CDK8: variants seen among roughly 807,000 people sequenced by gnomAD.
CDK8 encodes the protein cyclin-dependent kinase 8.
CDK8 carries 29 observed loss-of-function variants against 71.5 expected under a neutral mutation model. The observed-to-expected ratio is 0.41, with a 90% CI of 0.30 to 0.55. The LOEUF is 0.55. Ranked by LOEUF, CDK8 falls within the 20% of genes least tolerant of loss-of-function variation. The pLI is 0.37. For missense variants in CDK8, 288 were observed against 572.6 expected (o/e 0.50, Z 5.07); for synonymous variants, 161 against 192.1 (o/e 0.84, Z 1.34).
chr13:26,344,483 G>A (rs1464336731), intron 2 of CDK8, among the ~76,000 whole-genome samples: 4 of 152,176 alleles, frequency 2.6e-5, no homozygotes, highest in Non-Finnish European at 5.9e-5. Context: ...AGGGAGGCCA[G>A]GCATGGTGGC....
intron 1 of CDK8, among the ~76,000 whole-genome samples, chr13:26,318,822 A>T (rs1874630397): frequency 6.6e-6 from 1 of 152,168 alleles, no homozygotes; most frequent in East Asian, 1.9e-4. Flanking sequence ...TCAACATGAT[A>T]TGAGCTATAC....
At chr13:26,316,862 G>A (rs528745574) in intron 1 of CDK8, among the ~76,000 whole-genome samples, 2 of 152,192 alleles carry the variant, frequency 1.3e-5, no homozygotes, top group African/African-American at 2.4e-5. Flanking sequence ...AAAAAGACCT[G>A]ATGGCAGGTC....
At chr13:26,283,759 G>C (rs142188432) in intron 1 of CDK8, among the ~76,000 whole-genome samples, 1 of 151,962 alleles carries the variant, frequency 6.6e-6, no homozygotes, top group Non-Finnish European at 1.5e-5. Context: ...TTAGCCAGCC[G>C]TGGTGGCGTG....
chr13:26,350,451 A>G (rs1158005967), intron 3 of CDK8, among the ~76,000 whole-genome samples: 1 of 152,130 alleles, frequency 6.6e-6, no homozygotes, highest in Non-Finnish European at 1.5e-5. Context: ...CCTGGGTCAC[A>G]TGGCAAGACC....
At chr13:26,351,203 A>G (rs1049695106) in intron 3 of CDK8, among the ~76,000 whole-genome samples, 3 of 152,280 alleles carry the variant, frequency 2.0e-5, no homozygotes, top group East Asian at 1.9e-4. Context: ...ATGATATTTA[A>G]TAATGTCTTT....
chr13:26,346,522 T>G (rs1212312808), intron 2 of CDK8, among the ~76,000 whole-genome samples: 1 of 152,232 alleles, frequency 6.6e-6, no homozygotes, highest in Non-Finnish European at 1.5e-5. Context: ...AATTTTGAGA[T>G]AATAGAAAAA....
intron 2 of CDK8, among the ~76,000 whole-genome samples, chr13:26,341,346 C>G (rs1873231127): frequency 6.6e-6 from 1 of 152,132 alleles, no homozygotes; most frequent in Non-Finnish European, 1.5e-5. Flanking sequence ...AGGCTGGTCT[C>G]AAACTCCTAA....
At chr13:26,389,128 G>A (rs1042498735) in intron 6 of CDK8, among the ~76,000 whole-genome samples, 9 of 152,132 alleles carry the variant, frequency 5.9e-5, no homozygotes, top group Admixed American at 1.3e-4. Flanking sequence ...AGCCTGAGTC[G>A]TCTCTTTGAT....
At chr13:26,360,836 C>G (rs1286028267) in intron 4 of CDK8, among the ~76,000 whole-genome samples, 1 of 152,190 alleles carries the variant, frequency 6.6e-6, no homozygotes, top group Non-Finnish European at 1.5e-5. Context: ...CCTTTTACCT[C>G]TACTATGATT....
intron 2 of CDK8, among the ~76,000 whole-genome samples, 153 bp from the exon 3 acceptor site, chr13:26,348,919 C>T (rs979060002): frequency 2.0e-5 from 3 of 152,150 alleles, no homozygotes; most frequent in Non-Finnish European, 4.4e-5. Context: ...TCATTTGTTA[C>T]TGAAGTATCC....
chr13:26,343,683 A>T (rs1434054376), intron 2 of CDK8, among the ~76,000 whole-genome samples: 1 of 152,206 alleles, frequency 6.6e-6, no homozygotes, highest in African/African-American at 2.4e-5. Flanking sequence ...ACTACTGTAG[A>T]CTATAAGCAC....
chr13:26,280,052 A>G (rs900674521), intron 1 of CDK8, among the ~76,000 whole-genome samples: 3 of 152,172 alleles, frequency 2.0e-5, no homozygotes, highest in Non-Finnish European at 4.4e-5. Context: ...GATGTTTATT[A>G]TACATCCTTC....
intron 1 of CDK8, among the ~76,000 whole-genome samples, chr13:26,256,197 G>A (rs1389988244): frequency 6.6e-6 from 1 of 152,166 alleles, no homozygotes; most frequent in Admixed American, 6.5e-5. Flanking sequence ...GGAATGGATA[G>A]TCTGGTGACA....
At chr13:26,355,452 A>G (rs1451307426) in intron 4 of CDK8, among the ~76,000 whole-genome samples, 2 of 152,128 alleles carry the variant, frequency 1.3e-5, no homozygotes, top group Non-Finnish European at 1.5e-5. Context: ...CGTCTCTACT[A>G]AAAATACAAA....
intron 1 of CDK8, among the ~76,000 whole-genome samples, chr13:26,331,355 G>C (rs890333408): frequency 6.6e-6 from 1 of 152,116 alleles, no homozygotes. Flanking sequence ...AGTCCCCTCA[G>C]ATGAATAGTT....
intron 1 of CDK8, among the ~76,000 whole-genome samples, chr13:26,289,356 T>G (rs1185995346): frequency 5.3e-5 from 8 of 151,332 alleles, no homozygotes. Flanking sequence ...CCCGGCCAGC[T>G]TCAGTAGTTT....
At chr13:26,276,282 A>T (rs1224488571) in intron 1 of CDK8, among the ~76,000 whole-genome samples, 1 of 152,212 alleles carries the variant, frequency 6.6e-6, no homozygotes, top group African/African-American at 2.4e-5. Context: ...AGTTCTTACT[A>T]AATTTTGTTT....
At chr13:26,387,165 TAGAA>T (rs934191967) in intron 6 of CDK8, among the ~76,000 whole-genome samples, 1 of 152,234 alleles carries the variant, frequency 6.6e-6, no homozygotes, top group African/African-American at 2.4e-5. Context: ...TATTTTTTAA[TAGAA>T]AGAAAAGCCT....
At chr13:26,312,428 G>A (rs560262733) in intron 1 of CDK8, among the ~76,000 whole-genome samples, 18 of 152,202 alleles carry the variant, frequency 1.2e-4, no homozygotes, top group Admixed American at 3.9e-4. Context: ...GAGGGTCTGC[G>A]GCTTCATTCC....
Sources: gnomAD v4.1 joint callset for allele counts (sites outside exome capture counted in the v4.1 genomes callset) on GRCh38, gnomAD v4.1.1 for gene constraint, MANE v1.5 for transcripts, NCBI Gene and HGNC (gene_info 2026-07-23, HGNC 2026-07-21) for gene names.